Variants in JMJD1C observed in about 807,000 individuals in gnomAD.
JMJD1C encodes jumonji domain-containing protein 1C.
In JMJD1C, 31 loss-of-function variants were observed where a neutral mutation model predicts 245.3. The observed-to-expected ratio is 0.13, with a 90% CI of 0.09 to 0.17. The LOEUF is 0.17. JMJD1C is among the 10% of genes least tolerant of loss of function. The pLI is 1.00. For synonymous variants in JMJD1C, 1,057 were observed against 1,017.4 expected (o/e 1.04, Z -0.74); for missense variants, 2,691 against 3,000.2 (o/e 0.90, Z 2.41).
chr10:63,197,336 C>T (rs1845570232), intron 13 of JMJD1C, 75 bp downstream of exon 13: 10 of 1,247,210 alleles, frequency 8.0e-6, no homozygotes, highest in Middle Eastern at 2.0e-4. Context: ...TAAAAAAACA[C>T]ATCTCATGTT....
At chr10:63,333,983 TC>T (rs569105464) in intron 2 of JMJD1C, among the ~76,000 whole-genome samples, 118 of 152,218 alleles carry the variant, frequency 7.8e-4, no homozygotes, top group African/African-American at 2.7e-3. Context: ...TGTATTAGAA[TC>T]AGAGGCTATT....
chr10:63,303,799 G>C (rs1238927316), intron 2 of JMJD1C, among the ~76,000 whole-genome samples: 1 of 152,122 alleles, frequency 6.6e-6, no homozygotes, highest in Non-Finnish European at 1.5e-5. Context: ...TTCTGTCACA[G>C]TAATAGCTCA....
intron 2 of JMJD1C, among the ~76,000 whole-genome samples, chr10:63,340,433 C>A (rs1264633999): frequency 6.6e-6 from 1 of 152,112 alleles, no homozygotes; most frequent in Non-Finnish European, 1.5e-5. Context: ...TGTTTTTTTA[C>A]TTATTCTCTG....
At chr10:63,442,674 C>G (rs1192729776) in intron 1 of JMJD1C, among the ~76,000 whole-genome samples, 1 of 152,204 alleles carries the variant, frequency 6.6e-6, no homozygotes. Context: ...TTATTCTCCT[C>G]TCTGGAATAC....
intron 2 of JMJD1C, among the ~76,000 whole-genome samples, chr10:63,349,267 T>C (rs1944132504): frequency 6.6e-6 from 1 of 152,164 alleles, no homozygotes; most frequent in African/African-American, 2.4e-5. Flanking sequence ...AAAACTTCTT[T>C]TCTTTATAAA....
intron 13 of JMJD1C, among the ~76,000 whole-genome samples, chr10:63,195,971 CA>C (rs1308049972): frequency 6.7e-6 from 1 of 149,964 alleles, no homozygotes; most frequent in Non-Finnish European, 1.5e-5. Flanking sequence ...ACTATACTTT[CA>C]AAATTAATAC....
At chr10:63,300,726 T>C (rs919747989) in intron 2 of JMJD1C, among the ~76,000 whole-genome samples, 2 of 152,094 alleles carry the variant, frequency 1.3e-5, no homozygotes, top group African/African-American at 4.8e-5. Flanking sequence ...ACATTGTTTC[T>C]ACTAAAAGTA....
rs555798717 is a variant in JMJD1C, at chr10:63,452,241, G to T, written c.168+13254C>A. Among the ~76,000 whole-genome samples, 298 of 152,150 alleles carry T rather than the reference G, an allele frequency of 2.0e-3. 2 individuals are homozygous for T. Among genetic ancestry groups the T allele is most frequent in the Non-Finnish European group, 2.8e-3 (187 of 67,976 alleles). On this transcript the variant is annotated intron_variant, in intron 1 of 25. Transcript: ENST00000399262. ...ATATGTAAAGAACTCCTATAACAAAGCAAAACAAAACAAAACATGCTGAAT... is the reference window on the plus strand; with the variant it reads ...ATATGTAAAGAACTCCTATAACAAATCAAAACAAAACAAAACATGCTGAAT...
intron 2 of JMJD1C, among the ~76,000 whole-genome samples, chr10:63,296,659 G>GT (rs1354373625): frequency 6.6e-6 from 1 of 152,158 alleles, no homozygotes; most frequent in South Asian, 2.1e-4. Flanking sequence ...TCCACTCTGC[G>GT]TAAGTCTATG....
At chr10:63,478,769 G>A (rs572234971) in intron 1 of JMJD1C, among the ~76,000 whole-genome samples, 1 of 152,220 alleles carries the variant, frequency 6.6e-6, no homozygotes, top group East Asian at 1.9e-4. Flanking sequence ...GGTTTTTACT[G>A]GGGCTATTTG....
intron 1 of JMJD1C, chr10:63,521,450 G>A (rs1369482985): frequency 4.2e-6 from 3 of 717,680 alleles, no homozygotes; most frequent in Non-Finnish European, 3.7e-6. Context: ...CGGGGAGCGC[G>A]AGGAGCCGGC....
At chr10:63,443,738 G>A (rs1951530137) in intron 1 of JMJD1C, among the ~76,000 whole-genome samples, 1 of 152,218 alleles carries the variant, frequency 6.6e-6, no homozygotes, top group African/African-American at 2.4e-5. Context: ...AGGTCATGGA[G>A]ATGAGAGTGT....
At chr10:63,364,219 G>T (rs1319122398) in intron 2 of JMJD1C, among the ~76,000 whole-genome samples, 1 of 152,100 alleles carries the variant, frequency 6.6e-6, no homozygotes, top group Non-Finnish European at 1.5e-5. Flanking sequence ...ATGTTGCCCA[G>T]GCTGGTCTTC....
chr10:63,512,289 C>CT (rs34129211), intron 1 of JMJD1C, among the ~76,000 whole-genome samples: 21,049 of 148,444 alleles, frequency 0.14, 2,042 homozygotes, highest in Admixed American at 0.29. Context: ...TCTCTCTGAA[C>CT]TTTTTTTTTT....
At chr10:63,422,177 C>G (rs1336371683) in intron 1 of JMJD1C, among the ~76,000 whole-genome samples, 1 of 152,130 alleles carries the variant, frequency 6.6e-6, no homozygotes, top group Non-Finnish European at 1.5e-5. Flanking sequence ...TTTGGAAGAT[C>G]GAGGTGGGTG....
intron 2 of JMJD1C, among the ~76,000 whole-genome samples, chr10:63,329,400 T>C (rs1440189358): frequency 6.6e-6 from 1 of 151,248 alleles, no homozygotes; most frequent in Non-Finnish European, 1.5e-5. Context: ...CTCATTTGTG[T>C]GATAGGATAA....
At chr10:63,469,475 T>C (rs1007342660), upstream of JMJD1C, among the ~76,000 whole-genome samples, 1 of 152,214 alleles carries the variant, frequency 6.6e-6, no homozygotes, top group African/African-American at 2.4e-5. Flanking sequence ...AGGTCAGTTA[T>C]CAAGTTGTTT....
intron 1 of JMJD1C, among the ~76,000 whole-genome samples, chr10:63,518,554 T>C (rs1955099077): frequency 6.6e-6 from 1 of 152,222 alleles, no homozygotes. Flanking sequence ...CTTGGTCAAG[T>C]TGTGAACAAA....
chr10:63,395,435 G>A (rs1021115916), intron 1 of JMJD1C, among the ~76,000 whole-genome samples: 3 of 152,136 alleles, frequency 2.0e-5, no homozygotes, highest in Admixed American at 6.5e-5. Flanking sequence ...CCAAGATCGC[G>A]CCACTGAACT....
Sources: allele counts gnomAD v4.1 joint callset (sites outside exome capture counted in the v4.1 genomes callset), GRCh38; gene constraint gnomAD v4.1.1; transcripts MANE v1.5; gene names NCBI Gene and HGNC (gene_info 2026-07-23, HGNC 2026-07-21).